CACNA2D1: variants seen among roughly 807,000 people sequenced by gnomAD.
CACNA2D1 encodes calcium voltage-gated channel auxiliary subunit alpha2delta 1, also known as voltage-dependent calcium channel subunit alpha-2/delta-1.
In CACNA2D1, 53 loss-of-function variants were observed where a neutral mutation model predicts 171.5. The observed-to-expected ratio is 0.31, with a 90% CI of 0.25 to 0.39. The LOEUF (loss-of-function observed/expected upper bound fraction) is 0.39. Ranked by LOEUF, CACNA2D1 falls within the 10% of genes least tolerant of loss-of-function variation. CACNA2D1 has a pLI of 1.00. For missense variants in CACNA2D1, 903 were observed against 1,299.8 expected (o/e 0.69, Z 4.69); for synonymous variants, 442 against 443.1 (o/e 1.00, Z 0.03).
At chr7:82,216,769 C>T (rs1801137877) in intron 3 of CACNA2D1, among the ~76,000 whole-genome samples, 1 of 150,832 alleles carries the variant, frequency 6.6e-6, no homozygotes, top group African/African-American at 2.4e-5. Flanking sequence ...ACCAAAAGGA[C>T]AGAACGTCCT....
intron 3 of CACNA2D1, among the ~76,000 whole-genome samples, chr7:82,307,515 A>G (rs986653614): frequency 1.3e-5 from 2 of 150,210 alleles, no homozygotes; most frequent in Admixed American, 6.6e-5. Context: ...TTCTTAAAAT[A>G]ATTATATAAT....
chr7:82,276,571 T>C (rs1667269428), intron 3 of CACNA2D1, among the ~76,000 whole-genome samples: 1 of 152,158 alleles, frequency 6.6e-6, no homozygotes, highest in South Asian at 2.1e-4. Flanking sequence ...TTAATGTGAT[T>C]TTAAGTTTAG....
At chr7:82,341,891 CA>C (rs33984896) in intron 2 of CACNA2D1, among the ~76,000 whole-genome samples, 81,142 of 147,268 alleles carry the variant, frequency 0.55, 22,380 homozygotes, top group East Asian at 0.79. Flanking sequence ...ACTAAAAATA[CA>C]AAAAAAAAAA....
chr7:82,122,514 G>T (rs924707337), intron 5 of CACNA2D1, among the ~76,000 whole-genome samples: 4 of 152,174 alleles, frequency 2.6e-5, no homozygotes, highest in Non-Finnish European at 5.9e-5. Flanking sequence ...ATACAATACA[G>T]TTGAGTATGA....
chr7:82,306,723 C>T (rs560392446), intron 3 of CACNA2D1, among the ~76,000 whole-genome samples: 1 of 152,220 alleles, frequency 6.6e-6, no homozygotes, highest in South Asian at 2.1e-4. Context: ...CCATGGTGTG[C>T]TAAACCTGGA....
At chr7:82,114,751 G>C (rs1788838217) in intron 6 of CACNA2D1, among the ~76,000 whole-genome samples, 2 of 127,564 alleles carry the variant, frequency 1.6e-5, no homozygotes, top group Admixed American at 8.2e-5. Flanking sequence ...GTGAGACTCC[G>C]TCCCAGAAGA....
intron 3 of CACNA2D1, among the ~76,000 whole-genome samples, chr7:82,181,216 A>G (rs563032020): frequency 5.3e-5 from 8 of 152,102 alleles, no homozygotes; most frequent in African/African-American, 1.4e-4. Flanking sequence ...ATGTCAAGGC[A>G]GTAACCATGT....
chr7:82,387,599 A>G (rs1824555878), intron 1 of CACNA2D1, among the ~76,000 whole-genome samples: 1 of 115,748 alleles, frequency 8.6e-6, no homozygotes, highest in Non-Finnish European at 2.1e-5. Context: ...AATGAACAGT[A>G]CCATGAAAAC....
At position 82,111,804 on chromosome 7, in the gene CACNA2D1, AAT is replaced by A. The variant is rs527934150; in HGVS notation, c.526+5238_526+5239del. ...AGTTTTTATCAAGGTATAATTACAAAATAGATATTTTTCTTAACACATATAAA... is the reference window on the plus strand; with the variant it reads ...AGTTTTTATCAAGGTATAATTACAAAAGATATTTTTCTTAACACATATAAA... On this transcript the variant is annotated intron_variant, in intron 6 of 38. Transcript: ENST00000356860. Among the ~76,000 whole-genome samples, 232 of 152,138 alleles carry A rather than the reference AAT, an allele frequency of 1.5e-3. 3 individuals carry two copies. Among genetic ancestry groups the A allele is most frequent in the East Asian group, 0.015 (76 of 5,176 alleles).
chr7:82,004,020 C>T (rs1427138714), intron 18 of CACNA2D1, among the ~76,000 whole-genome samples: 5 of 152,156 alleles, frequency 3.3e-5, no homozygotes, highest in Non-Finnish European at 2.9e-5. Context: ...GCTGGGATTA[C>T]AGGCATGAGC....
chr7:82,116,551 A>G (rs939907279), intron 6 of CACNA2D1, among the ~76,000 whole-genome samples: 3 of 152,162 alleles, frequency 2.0e-5, no homozygotes, highest in Non-Finnish European at 4.4e-5. Context: ...CTCTTTACCT[A>G]TATCCTAGGG....
intron 7 of CACNA2D1, among the ~76,000 whole-genome samples, chr7:82,083,050 T>A (rs1015209797): frequency 1.2e-4 from 18 of 152,072 alleles, no homozygotes; most frequent in Non-Finnish European, 5.9e-5. Context: ...CCTCTTCTTG[T>A]TTTTCTCTTG....
At chr7:82,157,031 G>T (rs928334930) in intron 4 of CACNA2D1, among the ~76,000 whole-genome samples, 4 of 152,060 alleles carry the variant, frequency 2.6e-5, no homozygotes, top group Admixed American at 6.6e-5. Flanking sequence ...GGAGGATACG[G>T]CTCCATGGCT....
rs916224488 is a variant in CACNA2D1 at position 81,947,329 on chromosome 7, T to G, written c.*3063A>C. ...CAAATGGCAGGAACACTGTTTTTTG[T>G]TTTTTTTTTTCCCAAGTTAAGCAGT... is the stretch of plus-strand genomic sequence containing the variant. On this transcript the variant is annotated 3_prime_UTR_variant, in exon 39 of 39. Coordinates refer to ENST00000356860, the MANE Select transcript of CACNA2D1 (RefSeq NM_000722.4). The G allele has an allele frequency of 9.1e-5, 13 of 142,828 alleles. No individual in the cohort carries two copies. The highest frequency in any genetic ancestry group is 1.3e-4 in the African/African-American group (5 of 39,108). 8.8% of individuals were successfully genotyped at this position (142,828 alleles called of 1,614,324 possible). A position where few individuals can be genotyped will look rare whatever the true frequency, so the allele number is the denominator to read the frequency against.
intron 10 of CACNA2D1, among the ~76,000 whole-genome samples, chr7:82,055,930 G>GTATATATATATA (rs58786082): frequency 1.2e-4 from 13 of 111,460 alleles, no homozygotes; most frequent in East Asian, 5.5e-4. Flanking sequence ...GTGTGTGTGT[G>GTATATATATATA]TATATATATA....
At chr7:82,348,470 G>A (rs967504138) in intron 2 of CACNA2D1, among the ~76,000 whole-genome samples, 2 of 152,120 alleles carry the variant, frequency 1.3e-5, no homozygotes, top group South Asian at 2.1e-4. Flanking sequence ...GACATATTAC[G>A]TGCTCAACAT....
At chr7:82,028,038 A>G (rs997032893) in intron 12 of CACNA2D1, 10 of 151,876 alleles carry the variant, frequency 6.6e-5, no homozygotes, top group Non-Finnish European at 1.2e-4. Context: ...TAGAGAAAAC[A>G]GCCTTGTATT....
chr7:82,365,118 A>C (rs892484513), intron 1 of CACNA2D1, among the ~76,000 whole-genome samples: 1 of 152,180 alleles, frequency 6.6e-6, no homozygotes, highest in Non-Finnish European at 1.5e-5. Context: ...GGACATCTGG[A>C]AGTTGGGAGA....
chr7:82,320,314 T>A (rs898635338), intron 3 of CACNA2D1, among the ~76,000 whole-genome samples: 1 of 152,184 alleles, frequency 6.6e-6, no homozygotes, highest in Admixed American at 6.5e-5. Flanking sequence ...CTATTAGAAA[T>A]TCTGTTATTT....
Sources: gnomAD v4.1 joint callset for allele counts (sites outside exome capture counted in the v4.1 genomes callset) on GRCh38, gnomAD v4.1.1 for gene constraint, MANE v1.5 for transcripts, NCBI Gene and HGNC (gene_info 2026-07-23, HGNC 2026-07-21) for gene names.